Variants in NIPBL observed in about 807,000 individuals in gnomAD.
The protein encoded by NIPBL is nipped-B-like protein.
A neutral mutation model predicts 321.8 loss-of-function variants in NIPBL; 19 were observed. That is an observed-to-expected ratio of 0.06 (90% CI 0.04 to 0.09). NIPBL has a LOEUF of 0.09. NIPBL is among the 10% of genes least tolerant of loss of function. The pLI, the probability that NIPBL is intolerant of heterozygous loss-of-function variation, is 1.00. For missense variants in NIPBL, 2,210 were observed against 3,327.0 expected (o/e 0.66, Z 8.26); for synonymous variants, 1,106 against 1,114.1 (o/e 0.99, Z 0.14).
chr5:36,979,337 TTG>T (rs538330714), intron 9 of NIPBL, among the ~76,000 whole-genome samples: 294 of 151,880 alleles, frequency 1.9e-3, no homozygotes, highest in Middle Eastern at 3.4e-3. Flanking sequence ...GTATTTTATT[TTG>T]TGTGTGTGGC....
rs775870451 is a variant in NIPBL, at chr5:37,019,362, T to C, written c.4972T>C (p.Tyr1658His). Residue 1658 changes from tyrosine to histidine, a missense_variant, in exon 25 of 47, where the codon TAC becomes CAC. Around this residue, in one of 14 missense-constraint regions of NIPBL, gnomAD observed 138 missense variants for 175.8 expected, o/e 0.79. Transcript: ENST00000282516. Reference protein sequence around the residue: ...IQQLQKALLDYLDENTETDPS... With the variant: ...IQQLQKALLDHLDENTETDPS... ...ACAATTACAAAAAGCATTGCTTGATTACTTGGATGAAAACACTGAGACTGA... is the reference window on the plus strand; with the variant it reads ...ACAATTACAAAAAGCATTGCTTGATCACTTGGATGAAAACACTGAGACTGA... 6.2e-7 allele frequency: 1 copy of C among 1,613,378 alleles called. No individual in the cohort carries two copies. The highest frequency in any genetic ancestry group is 1.3e-5 in the African/African-American group (1 of 75,020).
chr5:37,019,165 T>A lies in NIPBL; in HGVS notation c.4921-146T>A, dbSNP rs1580489823. On this transcript the variant is annotated intron_variant, in intron 24 of 46. Coordinates refer to ENST00000282516, the MANE Select transcript of NIPBL (RefSeq NM_133433.4). ...AATATATAATATTTTTCGGAAATAA[T>A]ATTTTTCTGTTTTTTCCTTTTAGTT... 4 of 653,050 alleles carry A rather than the reference T, an allele frequency of 6.1e-6. No homozygotes were observed. In the East Asian group the frequency reaches 1.1e-4, roughly 18 times the overall value. The allele number at this position is 653,050 out of a possible 1,614,324, so 40.5% of individuals were successfully genotyped here.
intron 27 of NIPBL, among the ~76,000 whole-genome samples, chr5:37,021,626 A>G (rs1749650339): frequency 6.6e-6 from 1 of 152,156 alleles, no homozygotes; most frequent in Non-Finnish European, 1.5e-5. Flanking sequence ...GGTTGCAGGG[A>G]GCCGAGATTG....
intron 11 of NIPBL, 79 bp from the exon 12 acceptor site, chr5:37,000,294 T>C: frequency 1.5e-6 from 2 of 1,378,492 alleles, no homozygotes; most frequent in Non-Finnish European, 2.0e-6. Flanking sequence ...TTTTTCCCCA[T>C]GTGATTCATT....
rs753342252 is a variant in NIPBL at position 37,022,165 on chromosome 5, G to A, written c.5427+16G>A. The A allele has an allele frequency of 1.4e-5, 22 of 1,613,326 alleles. No individual in the cohort carries two copies. The highest frequency in any genetic ancestry group is 2.7e-5 in the African/African-American group (2 of 74,898). ...TCTAGCAAGGGTAAAGAGCAAAAAT[G>A]ATTCTTTCTTTTCTACTCGAATTGG... On this transcript the variant is annotated intron_variant, in intron 28 of 46. Transcript: ENST00000282516.
intron 1 of NIPBL, among the ~76,000 whole-genome samples, chr5:36,914,436 T>C (rs1271845678): frequency 1.4e-5 from 2 of 147,918 alleles, no homozygotes; most frequent in Non-Finnish European, 3.0e-5. Context: ...ATCCAAAACT[T>C]TTTGAGTGCC....
At chr5:37,021,159 C>T (rs531355205) in intron 27 of NIPBL, among the ~76,000 whole-genome samples, 14 of 152,162 alleles carry the variant, frequency 9.2e-5, no homozygotes, top group South Asian at 2.1e-4. Flanking sequence ...ATTAGCGGGG[C>T]GTGGTGGCAC....
At chr5:37,055,796 A>G (rs374081106) in intron 42 of NIPBL, among the ~76,000 whole-genome samples, 13 of 152,218 alleles carry the variant, frequency 8.5e-5, no homozygotes, top group South Asian at 8.3e-4. Flanking sequence ...GCTTGAGCCC[A>G]GGAGTTCCAT....
In NIPBL at chr5:36,976,063, T is replaced by C; in HGVS notation, c.1156T>C (p.Ser386Pro). ...MISGVENSNV[S>P]ENDIPFNVQY... ...TTCTGGTGTGGAAAATAGCAATGTT[T>C]CAGAAAATGATATTCCTTTTAATGT... Residue 386 changes from serine to proline, a missense_variant, in exon 9 of 47, where the codon TCA (serine) becomes CCA (proline). Ser to Pro is a moderately conservative substitution (Grantham distance 74). Around this residue, in one of 14 missense-constraint regions of NIPBL, gnomAD observed 464 missense variants for 529.5 expected, o/e 0.88. Transcript: ENST00000282516. 1 of 1,614,056 alleles carries C rather than the reference T, an allele frequency of 6.2e-7. No homozygotes were observed.
rs1245957707 is a variant in NIPBL, at chr5:36,877,214, G to GCGGCGC, written c.-80+44_-80+49dup. 2.5e-4 allele frequency: 49 copies of GCGGCGC among 194,642 alleles called. 1 individual carries two copies. The highest frequency in any genetic ancestry group is 1.4e-4 in the Non-Finnish European group (13 of 96,230). The allele number at this position is 194,642 out of a possible 1,614,324, so 12.1% of individuals were successfully genotyped here. A position where few individuals can be genotyped will look rare whatever the true frequency, so the allele number is the denominator to read the frequency against. ...GCTCTTTATTTCGGCGGCGGCGGCG[G>GCGGCGC]CGGCGCCGGCGCCAGGTCCTCAGCG... On this transcript the variant is annotated intron_variant, in intron 1 of 46. Transcript: ENST00000282516.
intron 9 of NIPBL, among the ~76,000 whole-genome samples, chr5:36,982,949 T>C (rs3104057): frequency 0.57 from 86,719 of 151,756 alleles, 27,083 homozygotes; most frequent in African/African-American, 0.84. Context: ...TTAGGTTATA[T>C]TTTTTGAATT....
In NIPBL at chr5:37,044,249, G is replaced by A. The variant is rs149792452; in HGVS notation, c.6109-98G>A. 4.6e-5 allele frequency: 49 copies of A among 1,057,596 alleles called. No individual in the cohort carries two copies. In the East Asian group the frequency reaches 6.0e-4, roughly 13 times the overall value. 65.5% of individuals were successfully genotyped at this position (1,057,596 alleles called of 1,614,324 possible). A position where few individuals can be genotyped will look rare whatever the true frequency, so the allele number is the denominator to read the frequency against. ...CTTTTTTTTTTAACTGGACCTTTACGTGCAAAATGCCCTATTTCTGCCCCC... is the reference window on the plus strand; with the variant it reads ...CTTTTTTTTTTAACTGGACCTTTACATGCAAAATGCCCTATTTCTGCCCCC... On this transcript the variant is annotated intron_variant, in intron 34 of 46. Transcript: ENST00000282516.
chr5:36,973,696 C>A (rs908437003), intron 8 of NIPBL, among the ~76,000 whole-genome samples: 42 of 152,288 alleles, frequency 2.8e-4, no homozygotes, highest in African/African-American at 8.9e-4. Context: ...GTCTCGAACT[C>A]CTGACCTCGT....
intron 34 of NIPBL, 98 bp downstream of exon 34, chr5:37,038,836 C>A (rs1752006342): frequency 1.7e-6 from 2 of 1,184,024 alleles, no homozygotes; most frequent in Non-Finnish European, 2.4e-6. Context: ...ACTGACAGAT[C>A]AACTGTGTCA....
At chr5:36,943,980 A>T (rs1003016555) in intron 1 of NIPBL, among the ~76,000 whole-genome samples, 1 of 152,140 alleles carries the variant, frequency 6.6e-6, no homozygotes, top group Non-Finnish European at 1.5e-5. Context: ...GAGAATAAAA[A>T]CACATATGGT....
intron 1 of NIPBL, among the ~76,000 whole-genome samples, chr5:36,922,415 A>G (rs1242157397): frequency 1.3e-5 from 2 of 152,166 alleles, no homozygotes; most frequent in African/African-American, 4.8e-5. Context: ...CCACTTGAGT[A>G]GTATATTCAT....
At chr5:36,956,886 A>C (rs1741027144) in intron 3 of NIPBL, among the ~76,000 whole-genome samples, 1 of 152,010 alleles carries the variant, frequency 6.6e-6, no homozygotes, top group Admixed American at 6.6e-5. Context: ...CGGCCTCCCA[A>C]AGTGCTAGGA....
chr5:37,054,311 C>T (rs889125440), intron 42 of NIPBL, among the ~76,000 whole-genome samples: 1 of 152,024 alleles, frequency 6.6e-6, no homozygotes, highest in East Asian at 1.9e-4. Flanking sequence ...CTTACTAGAC[C>T]TCTTCAAGTA....
At chr5:37,053,961 G>A (rs1753827786) in intron 42 of NIPBL, among the ~76,000 whole-genome samples, 1 of 152,156 alleles carries the variant, frequency 6.6e-6, no homozygotes, top group Admixed American at 6.5e-5. Flanking sequence ...GCTTTGGGAG[G>A]CCAAGGCAGG....
Sources: allele counts gnomAD v4.1 joint callset (sites outside exome capture counted in the v4.1 genomes callset), GRCh38; gene constraint gnomAD v4.1.1; regional missense constraint gnomAD v4.1.1; transcripts MANE v1.5; gene names NCBI Gene and HGNC (gene_info 2026-07-23, HGNC 2026-07-21).